PARD3: variants seen among roughly 807,000 people sequenced by gnomAD.
The protein encoded by PARD3 is par-3 family cell polarity regulator, also known as partitioning defective 3 homolog.
In PARD3, 75 loss-of-function variants were observed where a neutral mutation model predicts 155.4. The ratio of observed to expected loss-of-function variants is 0.48; its 90% CI spans 0.40 to 0.58. The LOEUF (loss-of-function observed/expected upper bound fraction) is 0.58. PARD3 is among the 20% of genes least tolerant of loss of function. PARD3 has a pLI of 0.00. For missense variants in PARD3, 1,642 were observed against 1,721.7 expected (o/e 0.95, Z 0.82); for synonymous variants, 576 against 610.5 (o/e 0.94, Z 0.83).
At chr10:34,170,611 C>G (rs1374641776) in intron 22 of PARD3, among the ~76,000 whole-genome samples, 2 of 152,022 alleles carry the variant, frequency 1.3e-5, no homozygotes, top group Non-Finnish European at 2.9e-5. Flanking sequence ...CAGAGGGGCC[C>G]AGGGAAGGAC....
intron 4 of PARD3, among the ~76,000 whole-genome samples, chr10:34,458,950 A>C (rs1229074621): frequency 6.6e-6 from 1 of 152,190 alleles, no homozygotes; most frequent in Non-Finnish European, 1.5e-5. Flanking sequence ...CCTTAAAACA[A>C]GAAGGGTGAG....
chr10:34,234,341 CTAT>C (rs1432236723), intron 22 of PARD3, among the ~76,000 whole-genome samples: 1 of 151,238 alleles, frequency 6.6e-6, no homozygotes, highest in Non-Finnish European at 1.5e-5. Flanking sequence ...CTAAAGAACA[CTAT>C]ATGGCTCCCT....
At chr10:34,536,615 A>T (rs1450394779) in intron 2 of PARD3, among the ~76,000 whole-genome samples, 1 of 152,210 alleles carries the variant, frequency 6.6e-6, no homozygotes, top group East Asian at 1.9e-4. Context: ...AAAAACCATC[A>T]CGTTTTCTTG....
At chr10:34,669,729 A>C (rs557564829) in intron 2 of PARD3, among the ~76,000 whole-genome samples, 4 of 152,344 alleles carry the variant, frequency 2.6e-5, no homozygotes, top group African/African-American at 7.2e-5. Context: ...ACTGATTTTC[A>C]CATAATTTAA....
intron 14 of PARD3, among the ~76,000 whole-genome samples, chr10:34,357,936 G>A (rs1414818729): frequency 6.6e-6 from 1 of 152,140 alleles, no homozygotes; most frequent in African/African-American, 2.4e-5. Context: ...CAGATGAGTG[G>A]TCACTGCAAC....
intron 1 of PARD3, among the ~76,000 whole-genome samples, chr10:34,725,155 G>GAC (rs1335882562): frequency 1.7e-4 from 6 of 35,626 alleles, no homozygotes; most frequent in African/African-American, 3.0e-4. Flanking sequence ...GTGTGTGACA[G>GAC]AGAGAGAGAG....
At chr10:34,608,754 G>A (rs1252903307) in intron 2 of PARD3, among the ~76,000 whole-genome samples, 1 of 151,906 alleles carries the variant, frequency 6.6e-6, no homozygotes, top group African/African-American at 2.4e-5. Flanking sequence ...AGCTGGTCTC[G>A]AACTCCTGAC....
chr10:34,228,851 C>T (rs999408097), intron 22 of PARD3, among the ~76,000 whole-genome samples: 4 of 152,068 alleles, frequency 2.6e-5, no homozygotes, highest in South Asian at 2.1e-4. Context: ...TTATTACGCA[C>T]GTGTGTTTCT....
chr10:34,483,030 C>T lies in PARD3; in HGVS notation c.404-12767G>A, dbSNP rs542134147. ...AATTAGCCAGGTGTGGTGGTGCATG[C>T]CTGTAATCCCAGCTACTCAGGAGGT... On this transcript the variant is annotated intron_variant, in intron 3 of 24. Coordinates refer to ENST00000374788, the MANE Select transcript of PARD3 (RefSeq NM_001184785.2). Among the ~76,000 whole-genome samples, 19 of 151,848 alleles carry T rather than the reference C, an allele frequency of 1.3e-4. No individual in the cohort carries two copies. In the East Asian group the frequency reaches 3.7e-3, roughly 29 times the overall value.
intron 5 of PARD3, among the ~76,000 whole-genome samples, chr10:34,447,593 T>C (rs945235672): frequency 3.8e-5 from 5 of 132,576 alleles, no homozygotes; most frequent in African/African-American, 5.6e-5. Context: ...ATGAGGTCAA[T>C]AGATCAAGAC....
intron 22 of PARD3, among the ~76,000 whole-genome samples, chr10:34,194,584 A>G (rs1345651036): frequency 6.7e-6 from 1 of 150,286 alleles, no homozygotes; most frequent in Admixed American, 6.6e-5. Flanking sequence ...TCAAGACATC[A>G]CTATGAATAC....
At chr10:34,383,435 TATTA>T (rs1842054314) in intron 8 of PARD3, among the ~76,000 whole-genome samples, 1 of 150,904 alleles carries the variant, frequency 6.6e-6, no homozygotes, top group African/African-American at 2.5e-5. Context: ...AGAAAGTAAC[TATTA>T]ATTATTTATT....
At chr10:34,540,689 G>A (rs1478024180) in intron 2 of PARD3, among the ~76,000 whole-genome samples, 1 of 152,148 alleles carries the variant, frequency 6.6e-6, no homozygotes, top group Non-Finnish European at 1.5e-5. Context: ...ACTGAGGTGG[G>A]AAGATCACCT....
At chr10:34,733,772 TTATGGGCGTGAGCC>T (rs2094860919) in intron 1 of PARD3, among the ~76,000 whole-genome samples, 1 of 152,242 alleles carries the variant, frequency 6.6e-6, no homozygotes, top group South Asian at 2.1e-4. Context: ...AGTGCTGGGA[TTATGGGCGTGAGCC>T]ACCGCACCCT....
intron 2 of PARD3, among the ~76,000 whole-genome samples, chr10:34,641,215 G>A (rs866431276): frequency 6.6e-6 from 1 of 152,134 alleles, no homozygotes; most frequent in African/African-American, 2.4e-5. Flanking sequence ...AAAGAACTCC[G>A]ATAATGAACT....
rs1252384845 is a variant in PARD3, at chr10:34,699,329, A to T, written c.121-2910T>A. Among the ~76,000 whole-genome samples, 4 of 28,394 alleles carry T rather than the reference A, an allele frequency of 1.4e-4. No homozygotes were observed. In the East Asian group the frequency reaches 2.9e-3, roughly 21 times the overall value. The allele number at this position is 28,394 out of a possible 152,430, so 18.6% of individuals were successfully genotyped here. ...CAACAGAGCATGCTGCATTAAAAAT[A>T]AAAAAATAATAAATAAAACATAAAA... is the stretch of plus-strand genomic sequence containing the variant. On this transcript the variant is annotated intron_variant, in intron 1 of 24. Coordinates refer to ENST00000374788, the MANE Select transcript of PARD3 (RefSeq NM_001184785.2).
chr10:34,265,933 G>A (rs1177976080), intron 22 of PARD3, among the ~76,000 whole-genome samples: 1 of 152,142 alleles, frequency 6.6e-6, no homozygotes, highest in African/African-American at 2.4e-5. Flanking sequence ...AAGACTGTGG[G>A]GGTCGGCAAA....
chr10:34,758,991 T>C (rs7906411), intron 1 of PARD3, among the ~76,000 whole-genome samples: 40,069 of 151,774 alleles, frequency 0.26, 5,689 homozygotes, highest in East Asian at 0.54. Flanking sequence ...ACAAAAAGAA[T>C]AGAAAGAGGC....
At chr10:34,471,269 C>T (rs1251901463) in intron 3 of PARD3, among the ~76,000 whole-genome samples, 2 of 152,152 alleles carry the variant, frequency 1.3e-5, no homozygotes, top group African/African-American at 4.8e-5. Flanking sequence ...ATTGCTATAA[C>T]AGTATCAATA....
Sources: allele counts gnomAD v4.1 joint callset (sites outside exome capture counted in the v4.1 genomes callset), GRCh38; gene constraint gnomAD v4.1.1; transcripts MANE v1.5; gene names NCBI Gene and HGNC (gene_info 2026-07-23, HGNC 2026-07-21).